Variants in PSTPIP2 observed in about 807,000 individuals in gnomAD.
PSTPIP2 encodes proline-serine-threonine phosphatase interacting protein 2, also known as proline-serine-threonine phosphatase-interacting protein 2.
PSTPIP2 carries 33 observed loss-of-function variants against 63.3 expected under a neutral mutation model. That is an observed-to-expected ratio of 0.52 (90% CI 0.40 to 0.70). The LOEUF is 0.70. Among genes scored for constraint, PSTPIP2 ranks in the 30% least tolerant of loss-of-function variants. The pLI, the probability that PSTPIP2 is intolerant of heterozygous loss-of-function variation, is 0.00. For missense variants in PSTPIP2, 312 were observed against 400.7 expected, an observed-to-expected ratio of 0.78 and a Z score of 1.89; for synonymous variants, 125 against 132.7, an observed-to-expected ratio of 0.94 and a Z score of 0.40.
Position 45,985,413 on chromosome 18 carries a change from C to T in PSTPIP2, c.*46G>A, listed in dbSNP as rs754214997. ...GTCCTGCTGCTCTGGGTGCCCTTTCCATATCACAGAAGCACTAGCCGGAAA... is the reference window on the plus strand; with the variant it reads ...GTCCTGCTGCTCTGGGTGCCCTTTCTATATCACAGAAGCACTAGCCGGAAA... On this transcript the variant is annotated 3_prime_UTR_variant, in exon 15 of 15. Transcript: ENST00000409746. 3 of 1,612,672 alleles carry T rather than the reference C, an allele frequency of 1.9e-6. No homozygotes were observed. Among genetic ancestry groups the T allele is most frequent in the East Asian group, 4.5e-5 (2 of 44,796 alleles).
At chr18:46,043,327 G>C (rs1328666447) in intron 1 of PSTPIP2, among the ~76,000 whole-genome samples, 1 of 151,042 alleles carries the variant, frequency 6.6e-6, no homozygotes, top group Non-Finnish European at 1.5e-5. Flanking sequence ...GGAGATCGAG[G>C]CTGCAGTGAG....
chr18:46,034,557 A>G (rs138300801), intron 2 of PSTPIP2, among the ~76,000 whole-genome samples: 1 of 152,206 alleles, frequency 6.6e-6, no homozygotes, highest in African/African-American at 2.4e-5. Context: ...TGCCTTCTAC[A>G]CTTAATATAA....
chr18:46,021,626 C>CCT (rs375172513), intron 3 of PSTPIP2, among the ~76,000 whole-genome samples: 77 of 151,408 alleles, frequency 5.1e-4, no homozygotes, highest in African/African-American at 1.8e-3. Flanking sequence ...TACGATGATG[C>CCT]CTCTGTGACA....
intron 1 of PSTPIP2, among the ~76,000 whole-genome samples, chr18:46,052,803 T>A (rs575624436): frequency 6.6e-6 from 1 of 152,334 alleles, no homozygotes; most frequent in African/African-American, 2.4e-5. Context: ...GAAGGTACAA[T>A]TACTAAGATT....
chr18:46,013,536 C>T (rs1240819974), intron 4 of PSTPIP2, among the ~76,000 whole-genome samples: 1 of 151,850 alleles, frequency 6.6e-6, no homozygotes, highest in Non-Finnish European at 1.5e-5. Context: ...CAGTGCCTCA[C>T]CCTGGATCGC....
chr18:46,028,741 A>T, intron 2 of PSTPIP2: 1 of 956,476 alleles, frequency 1.0e-6, no homozygotes, highest in Non-Finnish European at 1.7e-6. Context: ...AGACAAACTT[A>T]AGAAGCGACT....
chr18:45,985,245 TG>T lies in PSTPIP2; in HGVS notation c.*213del. ...ACTGGGAAAGAATAATTCTTCAGAATGGGGCAATTTGTAAACTTCAAAAAAC... is the reference window on the plus strand; with the variant it reads ...ACTGGGAAAGAATAATTCTTCAGAATGGGCAATTTGTAAACTTCAAAAAAC... On this transcript the variant is annotated 3_prime_UTR_variant, in exon 15 of 15. Transcript: ENST00000409746. 1.7e-6 allele frequency: 1 copy of T among 595,982 alleles called. No homozygotes were observed. The highest frequency in any genetic ancestry group is 2.9e-6 in the Non-Finnish European group (1 of 346,524). The allele number at this position is 595,982 out of a possible 1,614,324, so 36.9% of individuals were successfully genotyped here.
intron 1 of PSTPIP2, among the ~76,000 whole-genome samples, chr18:46,071,331 G>A (rs1013312229): frequency 6.6e-6 from 1 of 152,204 alleles, no homozygotes; most frequent in Admixed American, 6.5e-5. Context: ...TTAAAGGGAT[G>A]AGGACAGCTC....
intron 1 of PSTPIP2, among the ~76,000 whole-genome samples, chr18:46,055,443 C>T (rs771149050): frequency 6.6e-6 from 1 of 152,204 alleles, no homozygotes; most frequent in Non-Finnish European, 1.5e-5. Context: ...ACCTCTGCCA[C>T]CCCAGTAGCT....
intron 12 of PSTPIP2, 92 bp from the exon 13 acceptor site, chr18:45,990,848 C>G (rs7243109): frequency 0.16 from 169,302 of 1,091,790 alleles, 19,110 homozygotes; most frequent in African/African-American, 0.47. Flanking sequence ...GTACTCTAAT[C>G]AGATCTGGTT....
intron 1 of PSTPIP2, among the ~76,000 whole-genome samples, chr18:46,056,882 A>C (rs1908775153): frequency 6.6e-6 from 1 of 152,136 alleles, no homozygotes. Context: ...TGGGCAGATC[A>C]CTTGAGGTCA....
At chr18:46,026,696 C>T (rs1907590981) in intron 2 of PSTPIP2, among the ~76,000 whole-genome samples, 1 of 151,892 alleles carries the variant, frequency 6.6e-6, no homozygotes, top group African/African-American at 2.4e-5. Flanking sequence ...GGCAACACAG[C>T]AAGACCGCGC....
chr18:46,061,529 G>A (rs1908992949), intron 1 of PSTPIP2, among the ~76,000 whole-genome samples: 1 of 152,154 alleles, frequency 6.6e-6, no homozygotes, highest in Admixed American at 6.6e-5. Context: ...CCAAGATAGT[G>A]GCTCTGGGCT....
rs183999863 is a variant in PSTPIP2 at position 46,007,995 on chromosome 18, A to T, written c.355-2464T>A. 8.2e-3 allele frequency among the ~76,000 whole-genome samples: 1,246 copies of T among 152,258 alleles called. 6 individuals are homozygous for T. Among genetic ancestry groups the T allele is most frequent in the Non-Finnish European group, 0.012 (784 of 68,018 alleles). The stretch of plus-strand genomic sequence containing the variant: ...TGGATTTACGTGTCCTTGTGTCCAT[A>T]TTCACTTATGGGGTGACATTTGTGG... On this transcript the variant is annotated intron_variant, in intron 5 of 14. Transcript: ENST00000409746.
chr18:46,059,788 G>A (rs975511408), intron 1 of PSTPIP2, among the ~76,000 whole-genome samples: 9 of 152,066 alleles, frequency 5.9e-5, no homozygotes, highest in African/African-American at 2.2e-4. Context: ...CAGCACTTTG[G>A]GAGGCCAAGG....
Position 46,018,525 on chromosome 18 carries a change from C to T in PSTPIP2, c.213-2588G>A, listed in dbSNP as rs112981258. ...CTGGGATTACAGGTGCCCACCACCA[C>T]GCCCAGCTAATTTTTGTATTTTTAG... is the stretch of plus-strand genomic sequence containing the variant. On this transcript the variant is annotated intron_variant, in intron 3 of 14. Transcript: ENST00000409746. Among the ~76,000 whole-genome samples the T allele has an allele frequency of 5.4e-3, 815 of 152,136 alleles. 9 individuals are homozygous for T. Among genetic ancestry groups the T allele is most frequent in the African/African-American group, 0.012 (484 of 41,502 alleles).
At chr18:45,987,333 A>G (rs1266045712) in intron 14 of PSTPIP2, among the ~76,000 whole-genome samples, 1 of 152,192 alleles carries the variant, frequency 6.6e-6, no homozygotes, top group Non-Finnish European at 1.5e-5. Context: ...GATAAATGAC[A>G]GTATATGTAA....
chr18:46,013,499 G>C (rs8097668), intron 4 of PSTPIP2, among the ~76,000 whole-genome samples: 3,002 of 152,034 alleles, frequency 0.02, 104 homozygotes, highest in African/African-American at 0.068. Context: ...ATTAGAACTG[G>C]ATAGGACCCC....
intron 4 of PSTPIP2, among the ~76,000 whole-genome samples, chr18:46,011,680 C>T (rs533981880): frequency 1.1e-4 from 17 of 152,294 alleles, no homozygotes; most frequent in Admixed American, 1.1e-3. Flanking sequence ...GTCTCATGAG[C>T]CTAAATGTTT....
Sources: allele counts gnomAD v4.1 joint callset (sites outside exome capture counted in the v4.1 genomes callset), GRCh38; gene constraint gnomAD v4.1.1; transcripts MANE v1.5; gene names NCBI Gene and HGNC (gene_info 2026-07-23, HGNC 2026-07-21).